The following CLASP1 variants were observed in gnomAD, a reference collection of about 807,000 sequenced individuals.
The protein encoded by CLASP1 is cytoplasmic linker associated protein 1.
Under a neutral mutation model 192.3 loss-of-function variants are expected in CLASP1, and 38 were observed. The observed-to-expected ratio is 0.20, with a 90% CI of 0.15 to 0.26. The LOEUF is 0.26. Among genes scored for constraint, CLASP1 ranks in the 10% least tolerant of loss-of-function variants. The probability of loss-of-function intolerance (pLI) is 1.00; values close to 1 mark genes in which losing one functional copy is unlikely to be tolerated. For synonymous variants in CLASP1, 691 were observed against 712.8 expected (o/e 0.97, Z 0.49); for missense variants, 1,433 against 1,932.5 (o/e 0.74, Z 4.85).
At chr2:121,635,212 AAAAAAAAAAG>A (rs1465967449) in intron 1 of CLASP1, among the ~76,000 whole-genome samples, 1 of 142,030 alleles carries the variant, frequency 7.0e-6, no homozygotes, top group Non-Finnish European at 1.5e-5. Flanking sequence ...GCGTCTGTAA[AAAAAAAAAAG>A]AAAAGAAAAG....
intron 2 of CLASP1, among the ~76,000 whole-genome samples, chr2:121,572,166 T>C (rs1160796966): frequency 1.3e-5 from 2 of 152,138 alleles, no homozygotes; most frequent in Admixed American, 6.6e-5. Flanking sequence ...CAGTGGCTCA[T>C]GCCTGTAATC....
At chr2:121,530,817 T>A in intron 2 of CLASP1, 1 of 632,196 alleles carries the variant, frequency 1.6e-6, no homozygotes, top group Non-Finnish European at 2.9e-6. Flanking sequence ...GCTCACGAAT[T>A]AATTACCACA....
intron 34 of CLASP1, among the ~76,000 whole-genome samples, chr2:121,368,615 T>A (rs1004320126): frequency 6.6e-6 from 1 of 152,172 alleles, no homozygotes; most frequent in African/African-American, 2.4e-5. Flanking sequence ...GGTGGCAGTG[T>A]AGCCCAGCAG....
At chr2:121,567,645 G>T (rs2059621983) in intron 2 of CLASP1, among the ~76,000 whole-genome samples, 1 of 152,210 alleles carries the variant, frequency 6.6e-6, no homozygotes. Context: ...GCAGGGAATA[G>T]AATTTTTCTC....
At chr2:121,530,294 G>A (rs755662433) in exon 3 of CLASP1, 4 of 1,552,340 alleles carry the variant, frequency 2.6e-6, no homozygotes, top group East Asian at 2.4e-5. Context: ...GGTCACCAGG[G>A]CGGACAGGAT....
At chr2:121,622,102 C>A (rs2067470200) in intron 1 of CLASP1, among the ~76,000 whole-genome samples, 1 of 151,844 alleles carries the variant, frequency 6.6e-6, no homozygotes, top group South Asian at 2.1e-4. Flanking sequence ...CCTCAGCCTC[C>A]CAAAGTGCTG....
chr2:121,518,366 A>G (rs1049809060), intron 6 of CLASP1, among the ~76,000 whole-genome samples: 1 of 152,054 alleles, frequency 6.6e-6, no homozygotes, highest in Admixed American at 6.6e-5. Context: ...AAGAGGTCAT[A>G]TAAGCACATA....
intron 19 of CLASP1, among the ~76,000 whole-genome samples, chr2:121,440,353 T>G (rs186922939): frequency 6.6e-6 from 1 of 152,236 alleles, no homozygotes; most frequent in Non-Finnish European, 1.5e-5. Context: ...TGCATGTTTT[T>G]AAAAGATGAT....
In CLASP1 at chr2:121,347,181, A is replaced by C. The variant is rs141224377; in HGVS notation, c.4414-27T>G. 1.5e-4 allele frequency: 209 copies of C among 1,431,416 alleles called. 3 individuals carry two copies. The East Asian group carries it at 4.7e-3, about 32-fold the overall frequency. The allele number at this position is 1,431,416 out of a possible 1,614,324, so 88.7% of individuals were successfully genotyped here. ...TAGAGAGCCAGAAGGGAACACGAAA[A>C]GGAAACCAGATCAAAGATTCATTCC... On this transcript the variant is annotated intron_variant, in intron 38 of 39. Transcript: ENST00000263710.
At chr2:121,626,386 G>A (rs1223529108) in intron 1 of CLASP1, among the ~76,000 whole-genome samples, 1 of 152,168 alleles carries the variant, frequency 6.6e-6, no homozygotes, top group African/African-American at 2.4e-5. Flanking sequence ...AATAAAATAA[G>A]TATAGCTACT....
exon 35 of CLASP1, chr2:121,367,808 G>A: frequency 6.2e-7 from 1 of 1,613,680 alleles, no homozygotes; most frequent in Non-Finnish European, 8.5e-7. Flanking sequence ...TGGCAGGGGA[G>A]GCAGCGCCCC....
chr2:121,540,172 C>T (rs948309192), intron 2 of CLASP1, among the ~76,000 whole-genome samples: 5 of 152,110 alleles, frequency 3.3e-5, no homozygotes, highest in African/African-American at 1.2e-4. Flanking sequence ...CTACAGTAGC[C>T]AAAAACTAGA....
chr2:121,378,944 A>G (rs1413248353), intron 33 of CLASP1, among the ~76,000 whole-genome samples: 2 of 149,452 alleles, frequency 1.3e-5, no homozygotes, highest in Non-Finnish European at 2.9e-5. Flanking sequence ...TTTAGTAAAT[A>G]CTCTTCCTTA....
intron 1 of CLASP1, among the ~76,000 whole-genome samples, chr2:121,623,572 T>C (rs950205774): frequency 6.6e-6 from 1 of 152,264 alleles, no homozygotes; most frequent in Non-Finnish European, 1.5e-5. Flanking sequence ...GTAATACCTC[T>C]TCTTTATTTT....
intron 1 of CLASP1, among the ~76,000 whole-genome samples, chr2:121,608,851 TA>T (rs917571649): frequency 3.9e-5 from 6 of 152,164 alleles, no homozygotes; most frequent in African/African-American, 1.4e-4. Context: ...TCAAGGGGCC[TA>T]AAATGAACAG....
At chr2:121,559,679 G>A (rs903560569) in intron 2 of CLASP1, among the ~76,000 whole-genome samples, 1 of 152,140 alleles carries the variant, frequency 6.6e-6, no homozygotes, top group Non-Finnish European at 1.5e-5. Flanking sequence ...TTGGTTGCCA[G>A]AAGCTTTGGA....
intron 6 of CLASP1, among the ~76,000 whole-genome samples, chr2:121,523,589 A>G (rs1272423951): frequency 6.6e-6 from 1 of 152,208 alleles, no homozygotes; most frequent in African/African-American, 2.4e-5. Flanking sequence ...ATGAGAATGT[A>G]CCCATTCAAA....
intron 32 of CLASP1, among the ~76,000 whole-genome samples, 200 bp downstream of exon 33, chr2:121,386,922 T>C (rs1027297979): frequency 6.6e-6 from 1 of 152,340 alleles, no homozygotes; most frequent in Admixed American, 6.5e-5. Context: ...TCAGCACACA[T>C]GACTCATCTT....
chr2:121,512,832 G>T (rs115937118), intron 7 of CLASP1, among the ~76,000 whole-genome samples: 9 of 152,266 alleles, frequency 5.9e-5, no homozygotes, highest in African/African-American at 1.2e-4. Flanking sequence ...ATAATTAATC[G>T]TATTCTTCTC....
Sources: allele counts gnomAD v4.1 joint callset (sites outside exome capture counted in the v4.1 genomes callset), GRCh38; gene constraint gnomAD v4.1.1; transcripts MANE v1.5; gene names NCBI Gene and HGNC (gene_info 2026-07-23, HGNC 2026-07-21).